ZNF70: variants seen among roughly 807,000 people sequenced by gnomAD.
ZNF70 encodes the protein zinc finger protein N27C7-1.
In ZNF70, 18 loss-of-function variants were observed where a neutral mutation model predicts 37.7. The observed-to-expected ratio is 0.48, with a 90% CI of 0.33 to 0.71. The LOEUF is 0.71. Ranked by LOEUF, ZNF70 falls within the 30% of genes least tolerant of loss-of-function variation. ZNF70 has a pLI of 0.02. For synonymous variants in ZNF70, 219 were observed against 220.1 expected (o/e 0.99, Z 0.05); for missense variants, 506 against 568.6 (o/e 0.89, Z 1.12).
Position 23,745,113 on chromosome 22 carries a change from C to T in ZNF70, c.28G>A (p.Gly10Ser), listed in dbSNP as rs554829890. The stretch of plus-strand genomic sequence containing the variant: ...CTGTTCTCAAATGCAAAGGTCTCAC[C>T]AAACTTTGTTGCTGGGGGAACCTCC... Reference protein sequence around the residue: MEVPPATKFGETFAFENRLE... With the variant: MEVPPATKFSETFAFENRLE... The change falls in exon 2 of 2, where the codon GGT becomes AGT. Residue 10 changes from glycine to serine, a missense_variant. Physicochemically the swap from Gly to Ser is moderately conservative, Grantham distance 56. Transcript: ENST00000341976. The T allele has an allele frequency of 4.8e-5, 78 of 1,612,714 alleles. No individual in the cohort carries two copies. Among genetic ancestry groups the T allele is most frequent in the Admixed American group, 6.7e-5 (4 of 59,944 alleles).
At chr22:23,749,380 A>AAG (rs1925245465) in intron 1 of ZNF70, among the ~76,000 whole-genome samples, 3 of 125,524 alleles carry the variant, frequency 2.4e-5, no homozygotes, top group Admixed American at 8.3e-5. Context: ...AAAAAAAAAA[A>AAG]AGCCGGCCGT....
intron 1 of ZNF70, among the ~76,000 whole-genome samples, chr22:23,749,801 C>T (rs1303389052): frequency 1.3e-5 from 2 of 152,062 alleles, no homozygotes; most frequent in African/African-American, 2.4e-5. Context: ...CTTCAGCAAC[C>T]CATAATCTCC....
intron 1 of ZNF70, among the ~76,000 whole-genome samples, chr22:23,749,050 G>A (rs1007664331): frequency 5.3e-5 from 8 of 151,600 alleles, no homozygotes; most frequent in African/African-American, 1.9e-4. Context: ...CTAACACGGT[G>A]AAACCCTGTC....
chr22:23,745,052 T>G lies in ZNF70; in HGVS notation c.89A>C (p.Asp30Ala). 1 of 1,614,140 alleles carries G rather than the reference T, an allele frequency of 6.2e-7. No individual in the cohort carries two copies. The highest frequency in any genetic ancestry group is 8.5e-7 in the Non-Finnish European group (1 of 1,180,006). Residue 30 changes from aspartate (D) to alanine (A), a missense_variant, in exon 2 of 2, where the codon GAC becomes GCC. Physicochemically the swap from Asp to Ala is moderately radical, Grantham distance 126. Transcript: ENST00000341976. ...TTCCTGAAGAAAAGGGTCCCCCAGGTCCTCCCCTGGGAAAAGCCCTTGTTG... is the reference window on the plus strand; with the variant it reads ...TTCCTGAAGAAAAGGGTCCCCCAGGGCCTCCCCTGGGAAAAGCCCTTGTTG... ...ESQQGLFPGEDLGDPFLQERG... is the reference protein window; with the variant it reads ...ESQQGLFPGEALGDPFLQERG...
Position 23,751,078 on chromosome 22 carries a change from C to G in ZNF70, c.-447G>C, listed in dbSNP as rs1209829942. 1 of 151,842 alleles carries G rather than the reference C, an allele frequency of 6.6e-6. No homozygotes were observed. The highest frequency in any genetic ancestry group is 1.5e-5 in the Non-Finnish European group (1 of 67,936). The allele number at this position is 151,842 out of a possible 1,614,324, so 9.4% of individuals were successfully genotyped here. A position where few individuals can be genotyped will look rare whatever the true frequency, so the allele number is the denominator to read the frequency against. The stretch of plus-strand genomic sequence containing the variant: ...CTGCTCCAACCCGCGGCCGACGCGG[C>G]CGACGCTGCCTGGCTCCACAGCAGC... On this transcript the variant is annotated 5_prime_UTR_variant, in exon 1 of 2. Coordinates refer to ENST00000341976, the MANE Select transcript of ZNF70 (RefSeq NM_021916.4).
At chr22:23,746,728 G>A (rs1397979417) in intron 1 of ZNF70, among the ~76,000 whole-genome samples, 1 of 152,128 alleles carries the variant, frequency 6.6e-6, no homozygotes, top group African/African-American at 2.4e-5. Flanking sequence ...GGGACTGCAA[G>A]TGTATGCCAC....
At position 23,740,857 on chromosome 22, in the gene ZNF70, C is replaced by T. The variant is rs966164338; in HGVS notation, c.*2943G>A. On this transcript the variant is annotated 3_prime_UTR_variant, in exon 2 of 2. Coordinates refer to ENST00000341976, the MANE Select transcript of ZNF70 (RefSeq NM_021916.4). ...ACTTCCAAAAAAGAACCTGGTCTTACCATGTTTATCTGTTAACCCTTGGGA... is the reference window on the plus strand; with the variant it reads ...ACTTCCAAAAAAGAACCTGGTCTTATCATGTTTATCTGTTAACCCTTGGGA... The T allele has an allele frequency of 6.6e-6, 1 of 151,580 alleles. No homozygotes were observed. The highest frequency in any genetic ancestry group is 1.5e-5 in the Non-Finnish European group (1 of 67,962). The allele number at this position is 151,580 out of a possible 1,614,324, so 9.4% of individuals were successfully genotyped here.
At position 23,743,514 on chromosome 22, in the gene ZNF70, T is replaced by C; in HGVS notation, c.*286A>G. The C allele has an allele frequency of 2.6e-6, 1 of 379,666 alleles. No individual in the cohort carries two copies. Among genetic ancestry groups the C allele is most frequent in the Non-Finnish European group, 4.7e-6 (1 of 212,126 alleles). 23.5% of individuals were successfully genotyped at this position (379,666 alleles called of 1,614,324 possible). On this transcript the variant is annotated 3_prime_UTR_variant, in exon 2 of 2. Transcript: ENST00000341976. ...GAAGACAGGGCAAAATGAAATCCTG[T>C]AGGCTTGGGAGTCAAATGCAAGAAG...
rs1292593601 is a variant in ZNF70 at position 23,743,628 on chromosome 22, T to A, written c.*172A>T. On this transcript the variant is annotated 3_prime_UTR_variant, in exon 2 of 2. Coordinates refer to ENST00000341976, the MANE Select transcript of ZNF70 (RefSeq NM_021916.4). ...GCAGAAAACCTGCTGAGAGCTGGCGTGCTTGGCCCAGGGCCACACAGGGCC... is the reference window on the plus strand; with the variant it reads ...GCAGAAAACCTGCTGAGAGCTGGCGAGCTTGGCCCAGGGCCACACAGGGCC... The A allele has an allele frequency of 1.1e-6, 1 of 912,014 alleles. No homozygotes were observed. The highest frequency in any genetic ancestry group is 1.6e-6 in the Non-Finnish European group (1 of 611,864). 56.5% of individuals were successfully genotyped at this position (912,014 alleles called of 1,614,324 possible).
intron 1 of ZNF70, among the ~76,000 whole-genome samples, chr22:23,749,278 G>A (rs1329398838): frequency 6.7e-6 from 1 of 149,130 alleles, no homozygotes; most frequent in East Asian, 2.0e-4. Flanking sequence ...GAACCTGGGG[G>A]GCGGAGGTTG....
In ZNF70 at chr22:23,750,925, G is replaced by C. The variant is rs1047274014; in HGVS notation, c.-294C>G. 1.3e-5 allele frequency: 2 copies of C among 152,332 alleles called. No homozygotes were observed. Among genetic ancestry groups the C allele is most frequent in the African/African-American group, 2.4e-5 (1 of 41,468 alleles). 9.4% of individuals were successfully genotyped at this position (152,332 alleles called of 1,614,324 possible). A position where few individuals can be genotyped will look rare whatever the true frequency, so the allele number is the denominator to read the frequency against. ...GGGACACGCACACCCAGGGCCACCG[G>C]AGGGACAGGTGGTCAGGCGGACTCA... On this transcript the variant is annotated 5_prime_UTR_variant, in exon 1 of 2. Transcript: ENST00000341976.
rs1197143837 is a variant in ZNF70 at position 23,742,374 on chromosome 22, G to C, written c.*1426C>G. 6.6e-6 allele frequency: 1 copy of C among 152,258 alleles called. No homozygotes were observed. Among genetic ancestry groups the C allele is most frequent in the Non-Finnish European group, 1.5e-5 (1 of 68,064 alleles). 9.4% of individuals were successfully genotyped at this position (152,258 alleles called of 1,614,324 possible). A position where few individuals can be genotyped will look rare whatever the true frequency, so the allele number is the denominator to read the frequency against. On this transcript the variant is annotated 3_prime_UTR_variant, in exon 2 of 2. Transcript: ENST00000341976. ...TGGTCCAGGTGGGACACAAGCAATG[G>C]TACTGTTTAAACAAGCCCCACGTGA... is the stretch of plus-strand genomic sequence containing the variant.
intron 1 of ZNF70, among the ~76,000 whole-genome samples, 194 bp from the exon 2 acceptor site, chr22:23,745,413 T>C (rs1362316826): frequency 6.6e-6 from 1 of 152,062 alleles, no homozygotes; most frequent in African/African-American, 2.4e-5. Context: ...ACAGACACAA[T>C]CAAGTGCCAC....
chr22:23,744,187 G>C lies in ZNF70; in HGVS notation c.954C>G (p.Ser318Arg). The C allele has an allele frequency of 1.9e-6, 3 of 1,614,178 alleles. No individual in the cohort carries two copies. The highest frequency in any genetic ancestry group is 2.5e-6 in the Non-Finnish European group (3 of 1,180,046). The change falls in exon 2 of 2, where the codon AGC becomes AGG. Residue 318 changes from serine to arginine, a missense_variant. Physicochemically the swap from Ser to Arg is moderately radical, Grantham distance 110. Coordinates refer to ENST00000341976, the MANE Select transcript of ZNF70 (RefSeq NM_021916.4). ...GGTGCTCAATGAGGTTGGAGCTCTG[G>C]CTGAAGGCCTTCCCGCACTCATCGC... The part of the protein sequence containing the change: ...YKCDECGKAF[S>R]QSSNLIEHRK...
chr22:23,744,837 T>C lies in ZNF70; in HGVS notation c.304A>G (p.Ser102Gly), dbSNP rs1925053508. ...GQTFLQKSDL[S>G]MCQIIHSEEP... is the part of the protein sequence containing the mutation. ...TCACTGTGGATTATCTGACACATGCTGAGGTCGGATTTCTGGAGGAAGGTT... is the reference window on the plus strand; with the variant it reads ...TCACTGTGGATTATCTGACACATGCCGAGGTCGGATTTCTGGAGGAAGGTT... The change falls in exon 2 of 2, where the codon AGC becomes GGC. Residue 102 changes from serine (S) to glycine (G), a missense_variant. Ser to Gly is a moderately conservative substitution (Grantham distance 56, BLOSUM62 0). Coordinates refer to ENST00000341976, the MANE Select transcript of ZNF70 (RefSeq NM_021916.4). 3 of 1,614,244 alleles carry C rather than the reference T, an allele frequency of 1.9e-6. No homozygotes were observed. In the East Asian group the frequency reaches 6.7e-5, roughly 36 times the overall value.
rs919447554 is a variant in ZNF70 at position 23,740,011 on chromosome 22, G to A, written c.*3789C>T. 2 of 151,374 alleles carry A rather than the reference G, an allele frequency of 1.3e-5. No homozygotes were observed. Among genetic ancestry groups the A allele is most frequent in the Admixed American group, 6.6e-5 (1 of 15,136 alleles). 9.4% of individuals were successfully genotyped at this position (151,374 alleles called of 1,614,324 possible). On this transcript the variant is annotated 3_prime_UTR_variant, in exon 2 of 2. Coordinates refer to ENST00000341976, the MANE Select transcript of ZNF70 (RefSeq NM_021916.4). ...GCAGACAAAGCTGTCACTCTAAGGA[G>A]AAGAAGAAATAAAAAAATGCCGAGC... is the stretch of plus-strand genomic sequence containing the variant.
At position 23,742,704 on chromosome 22, in the gene ZNF70, T is replaced by G. The variant is rs1339370542; in HGVS notation, c.*1096A>C. On this transcript the variant is annotated 3_prime_UTR_variant, in exon 2 of 2. Transcript: ENST00000341976. The stretch of plus-strand genomic sequence containing the variant: ...TGACTGCTCACAGTTGCCAAAGCAC[T>G]TTCACAGTGGCTGTGTTCTGAATGA... The G allele has an allele frequency of 6.6e-6, 1 of 152,328 alleles. No homozygotes were observed. The highest frequency in any genetic ancestry group is 1.5e-5 in the Non-Finnish European group (1 of 68,114). 9.4% of individuals were successfully genotyped at this position (152,328 alleles called of 1,614,324 possible).
At chr22:23,748,664 C>T (rs771348191) in intron 1 of ZNF70, among the ~76,000 whole-genome samples, 3 of 151,850 alleles carry the variant, frequency 2.0e-5, no homozygotes, top group African/African-American at 7.3e-5. Flanking sequence ...CCTGCCTCAC[C>T]CTCCTGAATA....
rs1328396429 is a variant in ZNF70, at chr22:23,741,833, G to A, written c.*1967C>T. The stretch of plus-strand genomic sequence containing the variant: ...AGCGCCCAGCTGACCATCAGCCTGA[G>A]CCCATCCCTGAGGCTCCGGGTGCGG... On this transcript the variant is annotated 3_prime_UTR_variant, in exon 2 of 2. Transcript: ENST00000341976. 1 of 152,446 alleles carries A rather than the reference G, an allele frequency of 6.6e-6. No homozygotes were observed. Among genetic ancestry groups the A allele is most frequent in the Non-Finnish European group, 1.5e-5 (1 of 68,192 alleles). The allele number at this position is 152,446 out of a possible 1,614,324, so 9.4% of individuals were successfully genotyped here. A position where few individuals can be genotyped will look rare whatever the true frequency, so the allele number is the denominator to read the frequency against.
Sources: allele counts gnomAD v4.1 joint callset (sites outside exome capture counted in the v4.1 genomes callset), GRCh38; gene constraint gnomAD v4.1.1; transcripts MANE v1.5; gene names NCBI Gene and HGNC (gene_info 2026-07-23, HGNC 2026-07-21).